MAN1A1: variants seen among roughly 807,000 people sequenced by gnomAD.
MAN1A1 encodes mannosyl-oligosaccharide 1,2-alpha-mannosidase IA.
MAN1A1 carries 29 observed loss-of-function variants against 70.8 expected under a neutral mutation model. The observed-to-expected ratio is 0.41, with a 90% CI of 0.31 to 0.56. The LOEUF (loss-of-function observed/expected upper bound fraction) is 0.56, where lower values mean the gene tolerates loss of function less well. Ranked by LOEUF, MAN1A1 falls within the 20% of genes least tolerant of loss-of-function variation. MAN1A1 has a pLI of 0.29. For synonymous variants in MAN1A1, 349 were observed against 330.1 expected, an observed-to-expected ratio of 1.06 and a Z score of -0.62; for missense variants, 747 against 841.3, an observed-to-expected ratio of 0.89 and a Z score of 1.39.
intron 5 of MAN1A1, among the ~76,000 whole-genome samples, chr6:119,278,863 A>C (rs1401206432): frequency 6.6e-6 from 1 of 152,042 alleles, no homozygotes; most frequent in African/African-American, 2.4e-5. Context: ...CTGCTCCCCC[A>C]CTGCCTTCTG....
At chr6:119,336,546 T>C (rs1026336119) in intron 2 of MAN1A1, among the ~76,000 whole-genome samples, 1 of 152,184 alleles carries the variant, frequency 6.6e-6, no homozygotes, top group Non-Finnish European at 1.5e-5. Context: ...CACTGACAAA[T>C]GCATAAAATT....
chr6:119,348,944 T>C lies in MAN1A1; in HGVS notation c.122A>G (p.Lys41Arg). 1 of 1,531,546 alleles carries C rather than the reference T, an allele frequency of 6.5e-7. No homozygotes were observed. Among genetic ancestry groups the C allele is most frequent in the Non-Finnish European group, 8.8e-7 (1 of 1,139,166 alleles). 94.9% of individuals were successfully genotyped at this position (1,531,546 alleles called of 1,614,324 possible). A position where few individuals can be genotyped will look rare whatever the true frequency, so the allele number is the denominator to read the frequency against. ...SGPAALRLTEKFVLLLVFSAF... is the reference protein window; with the variant it reads ...SGPAALRLTERFVLLLVFSAF... ...GCTGAATACCAGCAGCAGCACGAAC[T>C]TCTCCGTCAGGCGGAGGGCGGCGGG... Residue 41 changes from lysine (K) to arginine (R), a missense_variant, in exon 2 of 13, where the codon AAG (lysine) becomes AGG (arginine). Transcript: ENST00000368468.
At position 119,349,024 on chromosome 6, in the gene MAN1A1, C is replaced by A; in HGVS notation, c.42G>T (p.Ala14=). ...GGLLPLFSSP[A]GGVLGGGLGG... ...CGAGCCCCCCGCCCAGGACGCCGCC[C>A]GCGGGGCTGCTGAAGAGCGGCAACA... Residue 14 remains alanine, a synonymous_variant, in exon 2 of 13, where the codon GCG becomes GCT. Coordinates refer to ENST00000368468, the MANE Select transcript of MAN1A1 (RefSeq NM_005907.4). 7.4e-7 allele frequency: 1 copy of A among 1,360,482 alleles called. No individual in the cohort carries two copies. Among genetic ancestry groups the A allele is most frequent in the Non-Finnish European group, 9.5e-7 (1 of 1,052,800 alleles). The allele number at this position is 1,360,482 out of a possible 1,614,324, so 84.3% of individuals were successfully genotyped here.
chr6:119,332,967 G>A (rs1773357943), intron 2 of MAN1A1, among the ~76,000 whole-genome samples: 1 of 152,084 alleles, frequency 6.6e-6, no homozygotes, highest in African/African-American at 2.4e-5. Context: ...CCCGGGGTTT[G>A]TGAAGACAGG....
intron 6 of MAN1A1, among the ~76,000 whole-genome samples, chr6:119,242,560 T>A (rs1282784337): frequency 6.6e-6 from 1 of 152,142 alleles, no homozygotes; most frequent in African/African-American, 2.4e-5. Context: ...GTTCTAGATA[T>A]ATACTATTTT....
At chr6:119,324,021 C>T (rs1773087351) in intron 2 of MAN1A1, among the ~76,000 whole-genome samples, 3 of 152,186 alleles carry the variant, frequency 2.0e-5, no homozygotes, top group Admixed American at 2.0e-4. Context: ...GTTATCTTAA[C>T]TCTCACTGTG....
rs1773350497 is a variant in MAN1A1 at position 119,188,425 on chromosome 6, A to G, written c.1699T>C (p.Trp567Arg). ...ATCACCTCTACGGCTTCCCAGGCCC[A>G]TTTCCTGTACTTTGGATCATGAGTC... is the stretch of plus-strand genomic sequence containing the variant. Reference protein sequence around the residue: ...RLTHDPKYRKWAWEAVEALEN... With the variant: ...RLTHDPKYRKRAWEAVEALEN... Residue 567 changes from tryptophan to arginine, a missense_variant, in exon 11 of 13, where the codon TGG becomes CGG. Physicochemically the swap from Trp to Arg is moderately radical, Grantham distance 101 (BLOSUM62 -3). Coordinates refer to ENST00000368468, the MANE Select transcript of MAN1A1 (RefSeq NM_005907.4). The G allele has an allele frequency of 6.2e-7, 1 of 1,608,712 alleles. No homozygotes were observed. The highest frequency in any genetic ancestry group is 1.3e-5 in the African/African-American group (1 of 74,636).
chr6:119,350,487 A>G (rs1029502169), upstream of MAN1A1: 3 of 983,080 alleles, frequency 3.1e-6, no homozygotes, highest in Non-Finnish European at 3.6e-6. Context: ...AAAAACTTGT[A>G]TGTCTCTCCC....
Position 119,204,773 on chromosome 6 carries a change from T to C in MAN1A1, c.1102A>G (p.Ile368Val), listed in dbSNP as rs756215969. ...AAGAATCTCACCTTTTCAGCAAAGATGGGGTTTCCTGATAAGTGGCTCAAG... is the reference window on the plus strand; with the variant it reads ...AAGAATCTCACCTTTTCAGCAAAGACGGGGTTTCCTGATAAGTGGCTCAAG... Reference protein sequence around the residue: ...MHLSHLSGNPIFAEKVMNIRT... With the variant: ...MHLSHLSGNPVFAEKVMNIRT... The change falls in exon 7 of 13, where the codon ATC becomes GTC. Residue 368 changes from isoleucine (I) to valine (V), a missense_variant. Ile to Val is a conservative substitution (Grantham distance 29). Coordinates refer to ENST00000368468, the MANE Select transcript of MAN1A1 (RefSeq NM_005907.4). The C allele has an allele frequency of 5.0e-6, 8 of 1,613,984 alleles. No homozygotes were observed. The highest frequency in any genetic ancestry group is 4.5e-5 in the East Asian group (2 of 44,876).
chr6:119,277,708 G>A (rs1776107201), intron 5 of MAN1A1, among the ~76,000 whole-genome samples: 1 of 151,770 alleles, frequency 6.6e-6, no homozygotes, highest in South Asian at 2.1e-4. Flanking sequence ...AGGCCGAGGT[G>A]GGTGAATCAC....
intron 6 of MAN1A1, among the ~76,000 whole-genome samples, chr6:119,207,445 A>G (rs908402816): frequency 2.6e-5 from 4 of 152,278 alleles, no homozygotes; most frequent in Admixed American, 1.3e-4. Flanking sequence ...CTGGCTCTTT[A>G]TAAGTCAGGG....
chr6:119,210,557 A>T (rs557174805), intron 6 of MAN1A1, among the ~76,000 whole-genome samples: 2 of 152,298 alleles, frequency 1.3e-5, no homozygotes, highest in Non-Finnish European at 2.9e-5. Context: ...TACATTATTT[A>T]AAAAAATTTT....
At chr6:119,240,910 C>T (rs186232216) in intron 6 of MAN1A1, among the ~76,000 whole-genome samples, 8 of 152,248 alleles carry the variant, frequency 5.3e-5, no homozygotes, top group Non-Finnish European at 1.0e-4. Flanking sequence ...ACCTCTGTTC[C>T]CTCCTGCTCA....
intron 5 of MAN1A1, among the ~76,000 whole-genome samples, chr6:119,259,443 G>A (rs772679695): frequency 6.6e-6 from 1 of 152,076 alleles, no homozygotes; most frequent in African/African-American, 2.4e-5. Context: ...TATGTATACA[G>A]GTTTTGTTTC....
Position 119,179,867 on chromosome 6 carries a change from G to A in MAN1A1, c.1914C>T (p.Leu638=), listed in dbSNP as rs1173382149. ...CCTTTTTATCTTTAGGGAGGATAGGGAGAAGATGTGCCTCGCTATTGAAGA... is the reference window on the plus strand; with the variant it reads ...CCTTTTTATCTTTAGGGAGGATAGGAAGAAGATGTGCCTCGCTATTGAAGA... ...HWIFNSEAHL[L]PILPKDKKEV... is the part of the protein sequence containing the mutation. The change falls in exon 13 of 13, where the codon CTC becomes CTT. Residue 638 remains leucine (L), a synonymous_variant. Transcript: ENST00000368468. 1 of 1,613,122 alleles carries A rather than the reference G, an allele frequency of 6.2e-7. No homozygotes were observed. Among genetic ancestry groups the A allele is most frequent in the Admixed American group, 1.7e-5 (1 of 60,010 alleles).
intron 8 of MAN1A1, among the ~76,000 whole-genome samples, chr6:119,199,432 A>G (rs1208398827): frequency 6.6e-6 from 1 of 151,690 alleles, no homozygotes; most frequent in Non-Finnish European, 1.5e-5. Flanking sequence ...CCTTGATGCA[A>G]CTATCATTTT....
intron 5 of MAN1A1, among the ~76,000 whole-genome samples, chr6:119,276,208 A>G (rs1776059837): frequency 6.6e-6 from 1 of 152,104 alleles, no homozygotes; most frequent in Non-Finnish European, 1.5e-5. Context: ...AGTAGTCCTC[A>G]TCATCTCCCT....
intron 6 of MAN1A1, among the ~76,000 whole-genome samples, chr6:119,235,439 C>T (rs1350477092): frequency 6.6e-6 from 1 of 152,188 alleles, no homozygotes; most frequent in Non-Finnish European, 1.5e-5. Context: ...TAAGCCAAAA[C>T]CTACTCCAGA....
rs770028573 is a variant in MAN1A1 at position 119,193,839 on chromosome 6, C to T, written c.1264G>A (p.Ala422Thr). ...TCTGTCTTGTCAGACATTAACCAGG[C>T]CTTCAGCAAATACTCATAGAAGCTG... Reference protein sequence around the residue: ...GDSFYEYLLKAWLMSDKTDLE... With the variant: ...GDSFYEYLLKTWLMSDKTDLE... The change falls in exon 9 of 13, where the codon GCC (alanine) becomes ACC (threonine). Residue 422 changes from alanine (A) to threonine (T), a missense_variant. This residue lies in a region of MAN1A1 where 419 missense variants were observed against 548.2 expected (regional missense o/e 0.76). Transcript: ENST00000368468. 13 of 1,613,688 alleles carry T rather than the reference C, an allele frequency of 8.1e-6. No individual in the cohort carries two copies. The East Asian group carries it at 2.7e-4, about 33-fold the overall frequency.
Sources: allele counts gnomAD v4.1 joint callset (sites outside exome capture counted in the v4.1 genomes callset), GRCh38; gene constraint gnomAD v4.1.1; regional missense constraint gnomAD v4.1.1; transcripts MANE v1.5; gene names NCBI Gene and HGNC (gene_info 2026-07-23, HGNC 2026-07-21).